The following SLC49A4 variants were observed in gnomAD, a reference collection of about 807,000 sequenced individuals.
SLC49A4 encodes disrupted in renal cancer protein 2.
Under a neutral mutation model 50.6 loss-of-function variants are expected in SLC49A4, and 36 were observed. The observed-to-expected ratio is 0.71, with a 90% CI of 0.55 to 0.94. The LOEUF (loss-of-function observed/expected upper bound fraction) is 0.94. SLC49A4 is among the 40% of genes least tolerant of loss of function. The pLI is 0.00. For synonymous variants in SLC49A4, 248 were observed against 241.2 expected (o/e 1.03, Z -0.26); for missense variants, 503 against 605.7 (o/e 0.83, Z 1.78).
Position 122,879,933 on chromosome 3 carries a change from G to A in SLC49A4, c.*555G>A, listed in dbSNP as rs192629584. On this transcript the variant is annotated 3_prime_UTR_variant, in exon 9 of 9. Transcript: ENST00000261038. ...TTATATGACTCCTTATTTTAATCAG[G>A]TCAGAAGCCCTTGGCCATCTTTACT... 3.3e-5 allele frequency: 5 copies of A among 152,786 alleles called. No homozygotes were observed. The East Asian group carries it at 9.7e-4, about 30-fold the overall frequency. The allele number at this position is 152,786 out of a possible 1,614,324, so 9.5% of individuals were successfully genotyped here. A position where few individuals can be genotyped will look rare whatever the true frequency, so the allele number is the denominator to read the frequency against.
chr3:122,845,644 T>G, intron 4 of SLC49A4, 119 bp from the exon 5 acceptor site: 6 of 190,630 alleles, frequency 3.1e-5, no homozygotes, highest in East Asian at 1.4e-4. Flanking sequence ...TTTAATGCCA[T>G]TCTGCAGATA....
intron 5 of SLC49A4, among the ~76,000 whole-genome samples, chr3:122,853,946 A>G (rs1379145696): frequency 6.6e-6 from 1 of 152,206 alleles, no homozygotes; most frequent in African/African-American, 2.4e-5. Context: ...TAAATTAAGT[A>G]TTGGGTAGAA....
intron 8 of SLC49A4, among the ~76,000 whole-genome samples, chr3:122,877,275 A>G (rs893231467): frequency 6.6e-6 from 1 of 152,224 alleles, no homozygotes; most frequent in Non-Finnish European, 1.5e-5. Context: ...CTTTCTAAAA[A>G]GGCAAATAAT....
intron 1 of SLC49A4, among the ~76,000 whole-genome samples, chr3:122,801,645 A>G (rs1439609315): frequency 2.0e-5 from 3 of 152,250 alleles, no homozygotes; most frequent in Non-Finnish European, 4.4e-5. Context: ...GGTAAAGATA[A>G]GGTCAGAGTA....
chr3:122,826,670 G>A (rs1332293524), intron 2 of SLC49A4, 130 bp from the exon 3 acceptor site: 1 of 880,426 alleles, frequency 1.1e-6, no homozygotes, highest in Admixed American at 2.6e-5. Flanking sequence ...ATGTCTTTTA[G>A]GCATGTCATA....
chr3:122,817,067 A>G (rs1348032485), intron 2 of SLC49A4, among the ~76,000 whole-genome samples: 1 of 152,226 alleles, frequency 6.6e-6, no homozygotes, highest in Admixed American at 6.5e-5. Flanking sequence ...CATGTCATAT[A>G]ATGTGTCAAA....
At chr3:122,841,673 T>A (rs1249331384) in intron 4 of SLC49A4, among the ~76,000 whole-genome samples, 1 of 152,242 alleles carries the variant, frequency 6.6e-6, no homozygotes, top group Non-Finnish European at 1.5e-5. Context: ...CTATGTAATA[T>A]TGTTTTCCAA....
At chr3:122,797,167 G>A (rs1427071436) in intron 1 of SLC49A4, among the ~76,000 whole-genome samples, 1 of 151,622 alleles carries the variant, frequency 6.6e-6, no homozygotes, top group Non-Finnish European at 1.5e-5. Context: ...TGCTAAAAAA[G>A]AAAGGACAGT....
intron 6 of SLC49A4, 123 bp downstream of exon 6, chr3:122,856,497 G>A (rs1936991518): frequency 2.3e-6 from 2 of 885,570 alleles, no homozygotes; most frequent in South Asian, 1.6e-5. Context: ...GGTCAGAAAG[G>A]GGTACTTGTT....
Position 122,795,374 on chromosome 3 carries a change from T to A in SLC49A4, c.182T>A (p.Leu61Gln). 1 of 1,599,566 alleles carries A rather than the reference T, an allele frequency of 6.3e-7. No individual in the cohort carries two copies. Among genetic ancestry groups the A allele is most frequent in the Non-Finnish European group, 8.5e-7 (1 of 1,176,640 alleles). ...CTGGTGCTGCTGCTCTTCTCGCTGC[T>A]GGCGTTCGTTCAGGGCCTGGTCTGG... is the stretch of plus-strand genomic sequence containing the variant. ...RWLVLLLFSL[L>Q]AFVQGLVWNT... is the part of the protein sequence containing the mutation. The change falls in exon 1 of 9, where the codon CTG (leucine) becomes CAG (glutamine). Residue 61 changes from leucine to glutamine, a missense_variant. Leu to Gln is a moderately radical substitution (Grantham distance 113). Transcript: ENST00000261038.
intron 4 of SLC49A4, among the ~76,000 whole-genome samples, chr3:122,839,969 A>G (rs1320728586): frequency 6.6e-6 from 1 of 152,224 alleles, no homozygotes; most frequent in Non-Finnish European, 1.5e-5. Flanking sequence ...ACAATTTGCA[A>G]TTCCAAAGAT....
intron 2 of SLC49A4, among the ~76,000 whole-genome samples, chr3:122,815,670 C>T (rs972700946): frequency 1.3e-5 from 2 of 152,216 alleles, no homozygotes; most frequent in Non-Finnish European, 2.9e-5. Context: ...ATTAATGCAT[C>T]CAGCTCAAAA....
At chr3:122,822,742 C>G (rs1037758039) in intron 2 of SLC49A4, among the ~76,000 whole-genome samples, 19 of 152,026 alleles carry the variant, frequency 1.2e-4, no homozygotes, top group Admixed American at 9.8e-4. Context: ...TGCTCGACTC[C>G]CATTCCTCTA....
At chr3:122,822,303 T>C (rs916280798) in intron 2 of SLC49A4, among the ~76,000 whole-genome samples, 4 of 152,124 alleles carry the variant, frequency 2.6e-5, no homozygotes, top group Non-Finnish European at 5.9e-5. Context: ...TTAGAAAGCA[T>C]TAGGATAATC....
intron 2 of SLC49A4, among the ~76,000 whole-genome samples, chr3:122,818,943 T>TC (rs983713464): frequency 2.2e-4 from 32 of 144,496 alleles, no homozygotes; most frequent in African/African-American, 7.5e-4. Flanking sequence ...TGAGATTCTG[T>TC]CCCCCCCAAA....
At chr3:122,855,878 C>G (rs1029466324) in intron 5 of SLC49A4, among the ~76,000 whole-genome samples, 1 of 152,206 alleles carries the variant, frequency 6.6e-6, no homozygotes, top group African/African-American at 2.4e-5. Context: ...TTCTTTTTCT[C>G]TGTCTACTCT....
intron 1 of SLC49A4, among the ~76,000 whole-genome samples, chr3:122,798,554 T>A (rs2107553365): frequency 6.6e-6 from 1 of 152,052 alleles, no homozygotes. Context: ...ATATGTTGGC[T>A]TTCCTGCTAC....
At chr3:122,829,679 G>C (rs1218796619) in intron 3 of SLC49A4, among the ~76,000 whole-genome samples, 1 of 152,198 alleles carries the variant, frequency 6.6e-6, no homozygotes, top group Non-Finnish European at 1.5e-5. Flanking sequence ...GAGCCTGGGA[G>C]GCAGAGGTTA....
At chr3:122,846,373 G>A (rs1334239558) in intron 5 of SLC49A4, among the ~76,000 whole-genome samples, 1 of 151,878 alleles carries the variant, frequency 6.6e-6, no homozygotes, top group Non-Finnish European at 1.5e-5. Flanking sequence ...GAGGTAAATA[G>A]AAGAGAACAC....
Sources: allele counts gnomAD v4.1 joint callset (sites outside exome capture counted in the v4.1 genomes callset), GRCh38; gene constraint gnomAD v4.1.1; transcripts MANE v1.5; gene names NCBI Gene and HGNC (gene_info 2026-07-23, HGNC 2026-07-21).